HSF1: variants seen among roughly 807,000 people sequenced by gnomAD.
HSF1 encodes heat shock transcription factor 1.
In HSF1, 32 loss-of-function variants were observed where a neutral mutation model predicts 51.7. The observed-to-expected ratio is 0.62, with a 90% CI of 0.47 to 0.83. The LOEUF is 0.83. Ranked by LOEUF, HSF1 falls within the 40% of genes least tolerant of loss-of-function variation. The pLI is 0.00. For missense variants in HSF1, 727 were observed against 717.0 expected, an observed-to-expected ratio of 1.01 and a Z score of -0.16; for synonymous variants, 396 against 309.7, an observed-to-expected ratio of 1.28 and a Z score of -2.92.
At chr8:144,293,311 G>T (rs894719320) in intron 1 of HSF1, among the ~76,000 whole-genome samples, 1 of 152,158 alleles carries the variant, frequency 6.6e-6, no homozygotes, top group South Asian at 2.1e-4. Flanking sequence ...CCCATCCCCA[G>T]GTCCCATTAA....
chr8:144,306,341 A>AT (rs1267274550), intron 1 of HSF1, among the ~76,000 whole-genome samples: 1,495 of 102,798 alleles, frequency 0.015, 26 homozygotes, highest in African/African-American at 0.051. Context: ...GCATATCTCT[A>AT]TTTTTTTTTT....
At chr8:144,296,226 C>T (rs374440056) in intron 1 of HSF1, among the ~76,000 whole-genome samples, 4 of 152,258 alleles carry the variant, frequency 2.6e-5, no homozygotes, top group South Asian at 4.1e-4. Context: ...CATAAGCACA[C>T]GAGGAGTTGC....
chr8:144,312,582 C>T (rs1588665261), intron 9 of HSF1: 4 of 1,467,202 alleles, frequency 2.7e-6, no homozygotes, highest in Non-Finnish European at 3.7e-6. Flanking sequence ...CCTCCACACC[C>T]CCAGCCCCTG....
rs1176636210 is a variant in HSF1 at position 144,300,212 on chromosome 8, CTTTTTTTTTT to C, written c.117+8352_117+8361del. ...GACATGCGTATCACTGTTGTGTACT[CTTTTTTTTTT>C]TTTTTTTTTTTTTGAGACGGAGTCT... On this transcript the variant is annotated intron_variant, in intron 1 of 12. Coordinates refer to ENST00000528838, the MANE Select transcript of HSF1 (RefSeq NM_005526.4). 4.8e-4 allele frequency among the ~76,000 whole-genome samples: 42 copies of C among 87,768 alleles called. 2 individuals are homozygous for C. Among genetic ancestry groups the C allele is most frequent in the Non-Finnish European group, 7.0e-4 (34 of 48,344 alleles). 57.6% of individuals were successfully genotyped at this position (87,768 alleles called of 152,430 possible). A position where few individuals can be genotyped will look rare whatever the true frequency, so the allele number is the denominator to read the frequency against.
chr8:144,302,644 A>G (rs1282846987), intron 1 of HSF1, among the ~76,000 whole-genome samples: 19 of 151,796 alleles, frequency 1.3e-4, no homozygotes, highest in Admixed American at 1.2e-3. Flanking sequence ...CCTGGGCAAC[A>G]TAGGGAGACC....
intron 1 of HSF1, among the ~76,000 whole-genome samples, chr8:144,308,445 A>C (rs1554843634): frequency 6.6e-6 from 1 of 152,244 alleles, no homozygotes; most frequent in Non-Finnish European, 1.5e-5. Flanking sequence ...TTTCCTCGGG[A>C]GTAATGAAAT....
intron 1 of HSF1, among the ~76,000 whole-genome samples, chr8:144,304,513 C>T (rs184184215): frequency 5.5e-4 from 84 of 152,300 alleles, no homozygotes; most frequent in African/African-American, 1.5e-3. Flanking sequence ...CTCCTGGGCT[C>T]AAGGGATCCT....
At chr8:144,304,416 C>T (rs1564616454) in intron 1 of HSF1, among the ~76,000 whole-genome samples, 2 of 152,304 alleles carry the variant, frequency 1.3e-5, no homozygotes, top group East Asian at 3.9e-4. Flanking sequence ...GAAATCTCTC[C>T]ATTTTCAAAG....
chr8:144,307,007 A>G (rs1179814534), intron 1 of HSF1, among the ~76,000 whole-genome samples: 1 of 152,128 alleles, frequency 6.6e-6, no homozygotes, highest in Admixed American at 6.5e-5. Flanking sequence ...CTGCTTACAC[A>G]GAGCCTCAAG....
At chr8:144,308,674 C>G (rs1816389198) in intron 1 of HSF1, among the ~76,000 whole-genome samples, 1 of 152,248 alleles carries the variant, frequency 6.6e-6, no homozygotes, top group Non-Finnish European at 1.5e-5. Flanking sequence ...ACCGCCCAGT[C>G]CTGGGCCTCA....
chr8:144,311,065 G>T (rs561881157), intron 4 of HSF1, 109 bp from the exon 5 acceptor site: 6 of 1,055,032 alleles, frequency 5.7e-6, no homozygotes. Context: ...GCCAGACATG[G>T]TCACACTTAC....
In HSF1 at chr8:144,313,505, G is replaced by T. The variant is rs782322493; in HGVS notation, c.1143-6G>T. On this transcript the variant is annotated splice_polypyrimidine_tract_variant and splice_region_variant and intron_variant, in intron 9 of 12. Transcript: ENST00000528838. Reference sequence around the variant, plus strand: ...CTGGTTCAGGTACCGCCTTATCCCGGGCCAGGAATGAGCTCAGTGACCACT... The same window carrying T: ...CTGGTTCAGGTACCGCCTTATCCCGTGCCAGGAATGAGCTCAGTGACCACT... 6.3e-7 allele frequency: 1 copy of T among 1,599,270 alleles called. No individual in the cohort carries two copies. The highest frequency in any genetic ancestry group is 1.7e-5 in the Admixed American group (1 of 59,938).
At position 144,313,560 on chromosome 8, in the gene HSF1, C is replaced by T; in HGVS notation, c.1192C>T (p.Leu398=). ...LDAMDSNLDN[L]QTMLSSHGFS... is the part of the protein sequence containing the mutation. ...TGCTATGGACTCCAACCTGGATAAC[C>T]TGCAGACCATGCTGAGCAGCCACGG... is the stretch of plus-strand genomic sequence containing the variant. Residue 398 remains leucine, a synonymous_variant, in exon 10 of 13, where the codon CTG becomes TTG. Coordinates refer to ENST00000528838, the MANE Select transcript of HSF1 (RefSeq NM_005526.4). 4 of 1,612,224 alleles carry T rather than the reference C, an allele frequency of 2.5e-6. No homozygotes were observed. The highest frequency in any genetic ancestry group is 3.4e-6 in the Non-Finnish European group (4 of 1,179,418).
Position 144,309,357 on chromosome 8 carries a change from T to C in HSF1, c.227-98T>C, listed in dbSNP as rs1326860641. Reference sequence around the variant, plus strand: ...GAGGGGGCAGGGCAGGGTCTGACCATGGCCAAGCCCCGCAGCAGCCTCCTG... The same window carrying C: ...GAGGGGGCAGGGCAGGGTCTGACCACGGCCAAGCCCCGCAGCAGCCTCCTG... On this transcript the variant is annotated intron_variant, in intron 2 of 12. Coordinates refer to ENST00000528838, the MANE Select transcript of HSF1 (RefSeq NM_005526.4). 3.9e-6 allele frequency: 6 copies of C among 1,544,906 alleles called. No homozygotes were observed. The African/African-American group carries it at 4.1e-5, about 10-fold the overall frequency.
At chr8:144,301,937 G>A (rs554806380) in intron 1 of HSF1, among the ~76,000 whole-genome samples, 9 of 151,678 alleles carry the variant, frequency 5.9e-5, no homozygotes, top group African/African-American at 1.7e-4. Flanking sequence ...TCAGAGGCTC[G>A]GGTGGAAGGA....
In HSF1 at chr8:144,291,801, TC is replaced by T; in HGVS notation, c.47del (p.Pro16ArgfsTer4). The T allele has an allele frequency of 6.5e-7, 1 of 1,549,608 alleles. No homozygotes were observed. On this transcript the variant is annotated frameshift_variant, in exon 1 of 13. Transcript: ENST00000528838. LOFTEE classifies it high-confidence loss of function. The surrounding 1 kb of genome is among the most constrained non-coding windows in gnomAD (Gnocchi z 4.1). The stretch of plus-strand genomic sequence containing the variant: ...CCCGGCGCGGCGGGGCCCAGCAACG[TC>T]CCGGCCTTCCTGACCAAGCTGTGGA... ...VGPGAAGPSN[V>X]PAFLTKLWTL...
intron 1 of HSF1, among the ~76,000 whole-genome samples, chr8:144,300,423 TA>T (rs1427797699): frequency 6.6e-6 from 1 of 151,918 alleles, no homozygotes; most frequent in Non-Finnish European, 1.5e-5. Flanking sequence ...TTCACCGTGT[TA>T]GCCAGGATGG....
rs1252314489 is a variant in HSF1 at position 144,297,430 on chromosome 8, C to G, written c.117+5556C>G. Among the ~76,000 whole-genome samples, 2 of 152,198 alleles carry G rather than the reference C, an allele frequency of 1.3e-5. No homozygotes were observed. Among genetic ancestry groups the G allele is most frequent in the Non-Finnish European group, 2.9e-5 (2 of 68,048 alleles). On this transcript the variant is annotated intron_variant, in intron 1 of 12. Coordinates refer to ENST00000528838, the MANE Select transcript of HSF1 (RefSeq NM_005526.4). The surrounding 1 kb of genome is among the most constrained non-coding windows in gnomAD (Gnocchi z 4.6). ...GAGAGATGAGGGCGATTGTGCTGCT[C>G]TTGGTCCTTGTGTGGCGAGAACACG...
chr8:144,312,842 T>C (rs1816779449), intron 9 of HSF1: 1 of 774,092 alleles, frequency 1.3e-6, no homozygotes. Context: ...GAGACCCCTC[T>C]GTGGCGGGGG....
Sources: gnomAD v4.1 joint callset for allele counts (sites outside exome capture counted in the v4.1 genomes callset) on GRCh38, gnomAD v4.1.1 for gene constraint, Gnocchi (gnomAD v3.1) non-coding constraint, MANE v1.5 for transcripts, NCBI Gene and HGNC (gene_info 2026-07-23, HGNC 2026-07-21) for gene names.